Variants in MAST4 observed in about 807,000 individuals in gnomAD.
The protein encoded by MAST4 is microtubule associated serine/threonine kinase family member 4.
MAST4 carries 89 observed loss-of-function variants against 162.7 expected under a neutral mutation model. That is an observed-to-expected ratio of 0.55 (90% CI 0.46 to 0.65). The LOEUF (loss-of-function observed/expected upper bound fraction) is 0.65. Ranked by LOEUF, MAST4 falls within the 30% of genes least tolerant of loss-of-function variation. MAST4 has a pLI of 0.00. For missense variants in MAST4, 3,153 were observed against 3,374.0 expected (o/e 0.93, Z 1.62); for synonymous variants, 1,479 against 1,361.1 (o/e 1.09, Z -1.91).
chr5:66,640,203 TA>T (rs1745396664), intron 1 of MAST4, among the ~76,000 whole-genome samples: 1 of 152,226 alleles, frequency 6.6e-6, no homozygotes, highest in Non-Finnish European at 1.5e-5. Flanking sequence ...TCATTTAGCA[TA>T]ATGTCCTCCT....
chr5:67,071,266 A>G (rs771847451), intron 5 of MAST4, among the ~76,000 whole-genome samples: 1 of 152,234 alleles, frequency 6.6e-6, no homozygotes, highest in Non-Finnish European at 1.5e-5. Context: ...GAAATAAAAT[A>G]AAATAAAATA....
chr5:67,103,057 C>A (rs1765203728), intron 9 of MAST4, among the ~76,000 whole-genome samples: 1 of 152,170 alleles, frequency 6.6e-6, no homozygotes, highest in Non-Finnish European at 1.5e-5. Flanking sequence ...TCTGTGATTT[C>A]CTATCTCTTT....
At chr5:66,794,286 G>A (rs1477916301) in intron 3 of MAST4, among the ~76,000 whole-genome samples, 1 of 152,004 alleles carries the variant, frequency 6.6e-6, no homozygotes, top group African/African-American at 2.4e-5. Flanking sequence ...TCCAGCTTCT[G>A]CCATTTATTA....
At chr5:67,018,739 A>G (rs565218235) in intron 4 of MAST4, among the ~76,000 whole-genome samples, 54 of 152,224 alleles carry the variant, frequency 3.5e-4, no homozygotes, top group Admixed American at 1.2e-3. Flanking sequence ...GAGTTTTTCT[A>G]TGCAAGTGAA....
rs778178110 is a variant in MAST4, at chr5:67,166,179, C to A, written c.7000C>A (p.Pro2334Thr). Reference protein sequence around the residue: ...GEKQTLSPKHPKPSTVKDCPT... With the variant: ...GEKQTLSPKHTKPSTVKDCPT... The stretch of plus-strand genomic sequence containing the variant: ...AAAGCAAACCCTGTCTCCAAAGCAC[C>A]CCAAACCATCCACTGTGAAAGATTG... Residue 2334 changes from proline to threonine, a missense_variant, in exon 29 of 29, where the codon CCC (proline) becomes ACC (threonine). Around this residue, in one of 7 missense-constraint regions of MAST4, gnomAD observed 1,644 missense variants for 1,495.0 expected, o/e 1.10. Transcript: ENST00000403625. 5.8e-6 allele frequency: 9 copies of A among 1,555,226 alleles called. No individual in the cohort carries two copies. The African/African-American group carries it at 1.2e-4, about 21-fold the overall frequency.
intron 2 of MAST4, among the ~76,000 whole-genome samples, chr5:66,781,552 C>T (rs1354278748): frequency 6.6e-6 from 1 of 152,146 alleles, no homozygotes; most frequent in African/African-American, 2.4e-5. Flanking sequence ...TATGGCTGTC[C>T]TTAAAATCTC....
chr5:66,932,949 C>T (rs1742332498), intron 4 of MAST4, among the ~76,000 whole-genome samples: 1 of 152,084 alleles, frequency 6.6e-6, no homozygotes, highest in African/African-American at 2.4e-5. Context: ...TCTTTGGCAT[C>T]TAGTAAACAT....
intron 1 of MAST4, among the ~76,000 whole-genome samples, chr5:66,704,261 A>G (rs141332731): frequency 1.3e-5 from 2 of 152,304 alleles, no homozygotes; most frequent in African/African-American, 2.4e-5. Flanking sequence ...TATCAAGTAC[A>G]TACTAAGTGC....
At chr5:66,962,645 G>A (rs115120862) in intron 4 of MAST4, among the ~76,000 whole-genome samples, 1,536 of 152,262 alleles carry the variant, frequency 0.01, 21 homozygotes, top group African/African-American at 0.034. Context: ...GGAGGTGGAG[G>A]CTGCAGTAAG....
At position 67,064,681 on chromosome 5, in the gene MAST4, A is replaced by G. The variant is rs1760021401; in HGVS notation, c.763+10189A>G. 2.0e-5 allele frequency among the ~76,000 whole-genome samples: 3 copies of G among 152,242 alleles called. No homozygotes were observed. In the South Asian group the frequency reaches 6.2e-4, roughly 31 times the overall value. ...AAACTCTTCCATAATTTAGTTGCCA[A>G]GGTGAGACTGATATACAACCTGCCA... On this transcript the variant is annotated intron_variant, in intron 5 of 28. Coordinates refer to ENST00000403625, the MANE Select transcript of MAST4 (RefSeq NM_001164664.2).
At chr5:67,142,576 G>A in intron 21 of MAST4, 43 bp downstream of exon 21, 1 of 1,313,904 alleles carries the variant, frequency 7.6e-7, no homozygotes, top group Non-Finnish European at 1.1e-6. Context: ...TCTCTGGGAG[G>A]ATCTCCCGCT....
At chr5:66,751,112 A>G (rs566669596) in intron 1 of MAST4, among the ~76,000 whole-genome samples, 2 of 151,528 alleles carry the variant, frequency 1.3e-5, no homozygotes, top group Non-Finnish European at 1.5e-5. Flanking sequence ...AAACTAACAA[A>G]CAGAAAGGAC....
At chr5:66,864,121 A>G (rs1223829417) in intron 3 of MAST4, among the ~76,000 whole-genome samples, 1 of 152,238 alleles carries the variant, frequency 6.6e-6, no homozygotes, top group African/African-American at 2.4e-5. Context: ...CAAATGAGAC[A>G]AAGTTCCTGG....
intron 2 of MAST4, among the ~76,000 whole-genome samples, chr5:66,780,516 C>T (rs762828678): frequency 2.0e-5 from 3 of 152,086 alleles, no homozygotes; most frequent in Admixed American, 6.6e-5. Flanking sequence ...ACCTTCGTGG[C>T]GAGTGTTACA....
intron 4 of MAST4, among the ~76,000 whole-genome samples, chr5:66,952,881 C>G (rs1259498246): frequency 6.6e-6 from 1 of 152,192 alleles, no homozygotes; most frequent in Non-Finnish European, 1.5e-5. Context: ...CACTGCCCAT[C>G]ATCCTGTGAT....
At chr5:66,631,443 TG>T (rs968444536) in intron 1 of MAST4, among the ~76,000 whole-genome samples, 8 of 152,206 alleles carry the variant, frequency 5.3e-5, no homozygotes, top group Non-Finnish European at 2.9e-5. Flanking sequence ...ATTTCAATAT[TG>T]GGTCTTGCTG....
At chr5:67,102,302 T>G (rs1166549517) in intron 8 of MAST4, among the ~76,000 whole-genome samples, 1 of 152,250 alleles carries the variant, frequency 6.6e-6, no homozygotes, top group Admixed American at 6.5e-5. Context: ...ATGATGATTT[T>G]GTGGCATTCC....
At chr5:67,085,418 C>T (rs80100278) in intron 5 of MAST4, among the ~76,000 whole-genome samples, 2,237 of 152,228 alleles carry the variant, frequency 0.015, 33 homozygotes, top group African/African-American at 0.039. Context: ...CTTTCTAAAA[C>T]GTAAATAAAA....
chr5:66,906,457 T>A (rs996869854), intron 4 of MAST4, among the ~76,000 whole-genome samples: 9 of 152,200 alleles, frequency 5.9e-5, no homozygotes, highest in African/African-American at 2.2e-4. Flanking sequence ...TTGGAATAAG[T>A]GGGCTAGTTA....
Sources: allele counts gnomAD v4.1 joint callset (sites outside exome capture counted in the v4.1 genomes callset), GRCh38; gene constraint gnomAD v4.1.1; regional missense constraint gnomAD v4.1.1; transcripts MANE v1.5; gene names NCBI Gene and HGNC (gene_info 2026-07-23, HGNC 2026-07-21).